Variants in KCNIP3 observed in about 807,000 individuals in gnomAD.
KCNIP3 encodes the protein calsenilin.
Under a neutral mutation model 35.0 loss-of-function variants are expected in KCNIP3, and 28 were observed. The observed-to-expected ratio is 0.80, with a 90% CI of 0.59 to 1.10. The LOEUF is 1.10. KCNIP3 is among the 50% of genes least tolerant of loss of function. The probability of loss-of-function intolerance (pLI) is 0.00; values close to 1 mark genes in which losing one functional copy is unlikely to be tolerated. For missense variants in KCNIP3, 295 were observed against 338.4 expected (o/e 0.87, Z 1.01); for synonymous variants, 134 against 133.8 (o/e 1.00, Z -0.01).
rs773421358 is a variant in KCNIP3, at chr2:95,378,945, G to A, written c.448-2651G>A. ...TCTTCAGTTATACACACACATGACTGGAGTCCAACACATTCGCAGGGTGCA... is the reference window on the plus strand; with the variant it reads ...TCTTCAGTTATACACACACATGACTAGAGTCCAACACATTCGCAGGGTGCA... On this transcript the variant is annotated intron_variant, in intron 5 of 8. Coordinates refer to ENST00000295225, the MANE Select transcript of KCNIP3 (RefSeq NM_013434.5). This position sits in a 1 kb window ranked among gnomAD's most constrained non-coding sequence, Gnocchi z 4.0. Among the ~76,000 whole-genome samples the A allele has an allele frequency of 6.6e-6, 1 of 151,242 alleles. No homozygotes were observed. The highest frequency in any genetic ancestry group is 1.5e-5 in the Non-Finnish European group (1 of 67,932).
intron 1 of KCNIP3, among the ~76,000 whole-genome samples, chr2:95,300,804 C>G (rs904992746): frequency 6.6e-6 from 1 of 152,208 alleles, no homozygotes; most frequent in Non-Finnish European, 1.5e-5. Flanking sequence ...GGTGGCGTGT[C>G]CCACACTAGA....
chr2:95,368,668 T>C, intron 2 of KCNIP3: 1 of 301,964 alleles, frequency 3.3e-6, no homozygotes, highest in Non-Finnish European at 6.9e-6. Flanking sequence ...TCTACCAGTG[T>C]ACAGTGTCTG....
intron 2 of KCNIP3, among the ~76,000 whole-genome samples, chr2:95,338,424 G>A (rs1679113983): frequency 6.6e-6 from 1 of 152,188 alleles, no homozygotes; most frequent in South Asian, 2.1e-4. Context: ...TGGTTCCAGG[G>A]ACAGTCATCA....
intron 2 of KCNIP3, among the ~76,000 whole-genome samples, chr2:95,351,015 C>T (rs1679505030): frequency 6.6e-6 from 1 of 152,202 alleles, no homozygotes; most frequent in Admixed American, 6.5e-5. Flanking sequence ...CCTTCGAGGA[C>T]AGGGGCTCTG....
intron 2 of KCNIP3, chr2:95,346,923 A>G (rs1380916336): frequency 3.2e-6 from 2 of 633,142 alleles, no homozygotes; most frequent in Non-Finnish European, 4.6e-6. Flanking sequence ...GCCGCCCCCG[A>G]GAGGCCGTGC....
chr2:95,324,249 C>T (rs1191622096), intron 2 of KCNIP3, among the ~76,000 whole-genome samples: 3 of 152,222 alleles, frequency 2.0e-5, no homozygotes, highest in South Asian at 2.1e-4. Flanking sequence ...CGGTGGCTCA[C>T]GCCTGTAATC....
At chr2:95,310,080 T>G in intron 1 of KCNIP3, 1 of 570,596 alleles carries the variant, frequency 1.8e-6, no homozygotes, top group Non-Finnish European at 3.3e-6. Flanking sequence ...AATGAGTAAG[T>G]CTGGGATCAC....
intron 1 of KCNIP3, among the ~76,000 whole-genome samples, chr2:95,306,761 C>A (rs1007532709): frequency 2.0e-5 from 3 of 152,146 alleles, no homozygotes; most frequent in African/African-American, 7.2e-5. Context: ...ATCACTGCCC[C>A]AGCTTCTCTC....
At chr2:95,315,774 G>A (rs949857716) in intron 2 of KCNIP3, among the ~76,000 whole-genome samples, 2 of 152,154 alleles carry the variant, frequency 1.3e-5, no homozygotes, top group African/African-American at 4.8e-5. Flanking sequence ...AGACCGTAGG[G>A]GGCGGGTGGG....
chr2:95,365,440 G>A (rs576298583), intron 2 of KCNIP3, among the ~76,000 whole-genome samples: 1 of 152,262 alleles, frequency 6.6e-6, no homozygotes, highest in East Asian at 1.9e-4. Context: ...GGGATTACAG[G>A]CATGAGCCAC....
At chr2:95,356,654 G>A (rs1247946424) in intron 2 of KCNIP3, among the ~76,000 whole-genome samples, 1 of 152,128 alleles carries the variant, frequency 6.6e-6, no homozygotes, top group Non-Finnish European at 1.5e-5. Flanking sequence ...AGATCAGATG[G>A]TTGTAGATGT....
At chr2:95,312,416 C>T (rs1341919101) in intron 2 of KCNIP3, 1 of 152,300 alleles carries the variant, frequency 6.6e-6, no homozygotes, top group Non-Finnish European at 1.5e-5. Flanking sequence ...CATGCCCCAT[C>T]CCACCTCACG....
At chr2:95,299,825 C>T (rs1202325948) in intron 1 of KCNIP3, among the ~76,000 whole-genome samples, 1 of 152,234 alleles carries the variant, frequency 6.6e-6, no homozygotes, top group Non-Finnish European at 1.5e-5. Flanking sequence ...CTGCCTCAGC[C>T]CTCCAGGTAG....
chr2:95,316,045 C>T (rs1219400201), intron 2 of KCNIP3, among the ~76,000 whole-genome samples: 2 of 152,242 alleles, frequency 1.3e-5, no homozygotes, highest in Non-Finnish European at 2.9e-5. Context: ...GCGCTCCACC[C>T]CCACAGCAGC....
In KCNIP3 at chr2:95,384,027, A is replaced by G. The variant is rs1213034243; in HGVS notation, c.749A>G (p.Gln250Arg). ...QKDENIMSSM[Q>R]LFENVI Reference sequence around the variant, plus strand: ...GATGAGAACATCATGAGCTCCATGCAGCTGTTTGAGAATGTCATCTAGGAC... The same window carrying G: ...GATGAGAACATCATGAGCTCCATGCGGCTGTTTGAGAATGTCATCTAGGAC... Residue 250 changes from glutamine to arginine, a missense_variant, in exon 9 of 9, where the codon CAG becomes CGG. Transcript: ENST00000295225. The G allele has an allele frequency of 1.2e-6, 2 of 1,613,938 alleles. No individual in the cohort carries two copies. Among genetic ancestry groups the G allele is most frequent in the Non-Finnish European group, 1.7e-6 (2 of 1,180,016 alleles).
At chr2:95,307,601 G>A (rs933648688) in intron 1 of KCNIP3, among the ~76,000 whole-genome samples, 3 of 152,188 alleles carry the variant, frequency 2.0e-5, no homozygotes, top group Non-Finnish European at 2.9e-5. Flanking sequence ...CAGCCTTCCC[G>A]GGAGGACTGA....
At chr2:95,369,793 G>A (rs960378963) in intron 2 of KCNIP3, among the ~76,000 whole-genome samples, 7 of 151,940 alleles carry the variant, frequency 4.6e-5, no homozygotes, top group Non-Finnish European at 1.0e-4. Context: ...ACCATGCCTG[G>A]GCAATTTTTT....
chr2:95,383,931 G>C, intron 8 of KCNIP3, 71 bp from the exon 9 acceptor site: 1 of 1,348,062 alleles, frequency 7.4e-7, no homozygotes, highest in Non-Finnish European at 1.1e-6. Context: ...TCCCTGGCGG[G>C]AATCTGCTCA....
chr2:95,348,163 C>T (rs1273608516), intron 2 of KCNIP3, among the ~76,000 whole-genome samples: 1 of 152,226 alleles, frequency 6.6e-6, no homozygotes, highest in East Asian at 1.9e-4. Flanking sequence ...TGTATGAGGC[C>T]CAGAGAGAAC....
Sources: gnomAD v4.1 joint callset for allele counts (sites outside exome capture counted in the v4.1 genomes callset) on GRCh38, gnomAD v4.1.1 for gene constraint, Gnocchi (gnomAD v3.1) non-coding constraint, MANE v1.5 for transcripts, NCBI Gene and HGNC (gene_info 2026-07-23, HGNC 2026-07-21) for gene names.